Variants in UST observed in about 807,000 individuals in gnomAD.
The protein encoded by UST is uronyl 2-sulfotransferase.
Under a neutral mutation model 45.6 loss-of-function variants are expected in UST, and 21 were observed. That is an observed-to-expected ratio of 0.46 (90% CI 0.33 to 0.66). UST has a LOEUF of 0.66. UST is among the 30% of genes least tolerant of loss of function. UST has a pLI of 0.02. For missense variants in UST, 463 were observed against 512.4 expected (o/e 0.90, Z 0.93); for synonymous variants, 215 against 200.6 (o/e 1.07, Z -0.61).
At position 148,877,793 on chromosome 6, in the gene UST, AGT is replaced by A. The variant is rs1778717082; in HGVS notation, c.248-9189_248-9188del. Among the ~76,000 whole-genome samples, 4 of 80,670 alleles carry A rather than the reference AGT, an allele frequency of 5.0e-5. No homozygotes were observed. In the Admixed American group the frequency reaches 6.6e-4, roughly 13 times the overall value. 52.9% of individuals were successfully genotyped at this position (80,670 alleles called of 152,430 possible). A position where few individuals can be genotyped will look rare whatever the true frequency, so the allele number is the denominator to read the frequency against. The stretch of plus-strand genomic sequence containing the variant: ...ATGAATGAGTGCGGGGTTGGGTATG[AGT>A]GTGAGGGGTCATGTGTGAGTGTGGG... On this transcript the variant is annotated intron_variant, in intron 1 of 7. Transcript: ENST00000367463.
At chr6:148,868,521 G>A (rs1778489303) in intron 1 of UST, among the ~76,000 whole-genome samples, 1 of 152,140 alleles carries the variant, frequency 6.6e-6, no homozygotes, top group Non-Finnish European at 1.5e-5. Context: ...ATTCAAAACA[G>A]CCAGGCTTTT....
intron 2 of UST, among the ~76,000 whole-genome samples, chr6:148,898,220 C>A (rs1030158159): frequency 2.4e-4 from 36 of 152,290 alleles, no homozygotes; most frequent in African/African-American, 8.4e-4. Flanking sequence ...TCCACCCTCT[C>A]ATTTTTTTTA....
chr6:148,918,745 T>A (rs1277270110), intron 2 of UST, among the ~76,000 whole-genome samples: 1 of 152,246 alleles, frequency 6.6e-6, no homozygotes. Flanking sequence ...GCATTTGAAC[T>A]CAGTCCTAGC....
At chr6:148,885,263 T>C (rs1429045388) in intron 1 of UST, among the ~76,000 whole-genome samples, 1 of 152,198 alleles carries the variant, frequency 6.6e-6, no homozygotes, top group African/African-American at 2.4e-5. Flanking sequence ...CTGGGATTTC[T>C]CACGCTTCCC....
intron 2 of UST, among the ~76,000 whole-genome samples, chr6:148,910,732 G>A (rs1779455761): frequency 6.6e-6 from 1 of 151,912 alleles, no homozygotes; most frequent in African/African-American, 2.4e-5. Flanking sequence ...AACATTATGG[G>A]TTAAATAACC....
intron 1 of UST, among the ~76,000 whole-genome samples, chr6:148,833,320 C>T (rs1203436845): frequency 2.0e-5 from 3 of 152,062 alleles, no homozygotes; most frequent in Non-Finnish European, 4.4e-5. Flanking sequence ...AAATCTGTCT[C>T]TCCAAAATAT....
intron 1 of UST, among the ~76,000 whole-genome samples, chr6:148,824,206 G>A (rs955564694): frequency 1.3e-5 from 2 of 152,218 alleles, no homozygotes; most frequent in Non-Finnish European, 2.9e-5. Flanking sequence ...TGTTGAAGAA[G>A]CATGCTCAGA....
At chr6:149,046,700 T>G (rs1050651325) in intron 7 of UST, among the ~76,000 whole-genome samples, 1 of 152,246 alleles carries the variant, frequency 6.6e-6, no homozygotes, top group Non-Finnish European at 1.5e-5. Flanking sequence ...CGATGTACAG[T>G]TTCCAAGGCA....
At chr6:148,872,463 A>G (rs1778576594) in intron 1 of UST, among the ~76,000 whole-genome samples, 1 of 143,312 alleles carries the variant, frequency 7.0e-6, no homozygotes, top group Non-Finnish European at 1.5e-5. Context: ...CTCTCTTCGG[A>G]TTTCCAACTT....
intron 2 of UST, among the ~76,000 whole-genome samples, chr6:148,895,038 G>A (rs911909711): frequency 3.3e-5 from 5 of 151,854 alleles, no homozygotes; most frequent in Admixed American, 6.6e-5. Context: ...GGATGGTCTC[G>A]ATCTCTTGAC....
intron 2 of UST, among the ~76,000 whole-genome samples, chr6:148,926,888 C>A (rs556283754): frequency 4.6e-5 from 7 of 151,972 alleles, no homozygotes; most frequent in Non-Finnish European, 8.8e-5. Context: ...CTAGCAGAAT[C>A]TGCTATAGGG....
At chr6:148,824,529 C>T (rs1365501261) in intron 1 of UST, among the ~76,000 whole-genome samples, 1 of 152,150 alleles carries the variant, frequency 6.6e-6, no homozygotes, top group Non-Finnish European at 1.5e-5. Flanking sequence ...CATTCTGACA[C>T]ATCCAATCAC....
chr6:148,985,212 G>A (rs1046007180), intron 5 of UST, among the ~76,000 whole-genome samples: 2 of 152,188 alleles, frequency 1.3e-5, no homozygotes, highest in African/African-American at 4.8e-5. Flanking sequence ...CAAAGAGAGG[G>A]TAATCAATCT....
At chr6:148,834,632 G>A (rs1296840497) in intron 1 of UST, among the ~76,000 whole-genome samples, 1 of 152,160 alleles carries the variant, frequency 6.6e-6, no homozygotes, top group East Asian at 1.9e-4. Context: ...CTACTCAGGA[G>A]GCCGAGGTGG....
At chr6:148,786,965 A>G (rs1776745219) in intron 1 of UST, among the ~76,000 whole-genome samples, 1 of 152,150 alleles carries the variant, frequency 6.6e-6, no homozygotes, top group Non-Finnish European at 1.5e-5. Flanking sequence ...CTAATAATCA[A>G]TGATGTTGAG....
chr6:148,898,110 A>G (rs1460523176), intron 2 of UST, among the ~76,000 whole-genome samples: 1 of 152,236 alleles, frequency 6.6e-6, no homozygotes, highest in Non-Finnish European at 1.5e-5. Flanking sequence ...TTCATGATAA[A>G]TATATCAGGT....
At chr6:149,040,596 A>G (rs1776298651) in intron 7 of UST, among the ~76,000 whole-genome samples, 1 of 152,198 alleles carries the variant, frequency 6.6e-6, no homozygotes, top group African/African-American at 2.4e-5. Context: ...CGGAGGTTGC[A>G]GTGAGTCGAG....
At chr6:148,907,191 T>C (rs1262408834) in intron 2 of UST, among the ~76,000 whole-genome samples, 1 of 152,174 alleles carries the variant, frequency 6.6e-6, no homozygotes, top group Non-Finnish European at 1.5e-5. Context: ...AACACGGGAA[T>C]TGATGCTATT....
chr6:148,966,029 G>A (rs1195140504), intron 5 of UST, among the ~76,000 whole-genome samples: 1 of 151,818 alleles, frequency 6.6e-6, no homozygotes, highest in South Asian at 2.1e-4. Context: ...ATCGAGACCA[G>A]CCTGGCCAAC....
Sources: allele counts gnomAD v4.1 joint callset (sites outside exome capture counted in the v4.1 genomes callset), GRCh38; gene constraint gnomAD v4.1.1; transcripts MANE v1.5; gene names NCBI Gene and HGNC (gene_info 2026-07-23, HGNC 2026-07-21).